The following CEACAM5 variants were observed in gnomAD, a reference collection of about 807,000 sequenced individuals.
The protein encoded by CEACAM5 is CEA cell adhesion molecule 5.
A neutral mutation model predicts 63.0 loss-of-function variants in CEACAM5; 52 were observed. The observed-to-expected ratio is 0.83, with a 90% CI of 0.66 to 1.04. CEACAM5 has a LOEUF of 1.04. Among genes scored for constraint, CEACAM5 ranks in the 50% least tolerant of loss-of-function variants. The pLI is 0.00. For missense variants in CEACAM5, 790 were observed against 864.8 expected (o/e 0.91, Z 1.08); for synonymous variants, 357 against 351.3 (o/e 1.02, Z -0.18).
intron 2 of CEACAM5, among the ~76,000 whole-genome samples, chr19:41,711,952 A>T (rs1414197230): frequency 6.6e-6 from 1 of 152,204 alleles, no homozygotes; most frequent in Non-Finnish European, 1.5e-5. Context: ...GCCAGGCTCC[A>T]TCACAAGCCA....
At chr19:41,718,019 C>T in intron 5 of CEACAM5, 109 bp from the exon 6 acceptor site, 1 of 1,376,520 alleles carries the variant, frequency 7.3e-7, no homozygotes, top group Non-Finnish European at 1.0e-6. Context: ...TTGGTTAGGA[C>T]TTCAGGATTG....
At chr19:41,716,205 G>A (rs1330199260) in intron 4 of CEACAM5, among the ~76,000 whole-genome samples, 1 of 152,232 alleles carries the variant, frequency 6.6e-6, no homozygotes, top group Admixed American at 6.5e-5. Context: ...TCAAGGTCAA[G>A]TTGCTTCTCT....
In CEACAM5 at chr19:41,715,816, T is replaced by C. The variant is rs782717279; in HGVS notation, c.870T>C (p.Thr290=). Residue 290 remains threonine, a synonymous_variant, in exon 4 of 10, where the codon ACT becomes ACC. Transcript: ENST00000221992. ...AAGAGCTCTTTATCCCCAACATCAC[T>C]GTGAATAATAGTGGATCCTATACGT... The part of the protein sequence containing the change: ...STQELFIPNI[T]VNNSGSYTCQ... 1.9e-6 allele frequency: 3 copies of C among 1,614,058 alleles called. No homozygotes were observed.
In CEACAM5 at chr19:41,715,860, A is replaced by C. The variant is rs782686634; in HGVS notation, c.914A>C (p.Asp305Ala). 5.0e-6 allele frequency: 8 copies of C among 1,614,064 alleles called. No individual in the cohort carries two copies. In the African/African-American group the frequency reaches 8.0e-5, roughly 16 times the overall value. The stretch of plus-strand genomic sequence containing the variant: ...TATACGTGCCAAGCCCATAACTCAG[A>C]CACTGGCCTCAATAGGACCACAGTC... ...GSYTCQAHNS[D>A]TGLNRTTVTT... The change falls in exon 4 of 10, where the codon GAC (aspartate) becomes GCC (alanine). Residue 305 changes from aspartate (D) to alanine (A), a missense_variant. Transcript: ENST00000221992.
chr19:41,729,906 T>C lies in CEACAM5; in HGVS notation c.*759T>C, dbSNP rs2072748404. On this transcript the variant is annotated 3_prime_UTR_variant, in exon 10 of 10. Coordinates refer to ENST00000221992, the MANE Select transcript of CEACAM5 (RefSeq NM_004363.6). ...AGTTATTGCACAAGTTCAATAAAAA[T>C]CTGCTCTTTGTATGACAGAATACAT... 6.6e-6 allele frequency: 1 copy of C among 152,220 alleles called. No homozygotes were observed. Among genetic ancestry groups the C allele is most frequent in the South Asian group, 2.1e-4 (1 of 4,832 alleles). The allele number at this position is 152,220 out of a possible 1,614,324, so 9.4% of individuals were successfully genotyped here. A position where few individuals can be genotyped will look rare whatever the true frequency, so the allele number is the denominator to read the frequency against.
intron 9 of CEACAM5, 39 bp from the exon 10 acceptor site, chr19:41,729,145 T>G (rs1433041691): frequency 6.6e-6 from 1 of 152,230 alleles, no homozygotes; most frequent in Non-Finnish European, 1.5e-5. Context: ...TATCATCAGA[T>G]TTTTAACTGT....
chr19:41,715,091 A>G lies in CEACAM5; in HGVS notation c.545A>G (p.Asn182Ser), dbSNP rs1555814661. The G allele has an allele frequency of 6.2e-7, 1 of 1,614,004 alleles. No individual in the cohort carries two copies. The highest frequency in any genetic ancestry group is 2.2e-5 in the East Asian group (1 of 44,892). ...QDATYLWWVNNQSLPVSPRLQ... is the reference protein window; with the variant it reads ...QDATYLWWVNSQSLPVSPRLQ... ...GCAACCTACCTGTGGTGGGTAAACA[A>G]TCAGAGCCTCCCGGTCAGTCCCAGG... Residue 182 changes from asparagine (N) to serine (S), a missense_variant, in exon 3 of 10, where the codon AAT (asparagine) becomes AGT (serine). By Grantham distance (46) the Asn-to-Ser change is conservative. Coordinates refer to ENST00000221992, the MANE Select transcript of CEACAM5 (RefSeq NM_004363.6).
At chr19:41,720,268 G>T (rs1568709018) in intron 7 of CEACAM5, 60 bp downstream of exon 7, 8 of 1,566,148 alleles carry the variant, frequency 5.1e-6, no homozygotes, top group African/African-American at 1.4e-5. Context: ...ACAGCCAGAG[G>T]CCAGGACTCT....
At chr19:41,715,348 C>A in intron 3 of CEACAM5, 99 bp downstream of exon 3, 2 of 1,523,854 alleles carry the variant, frequency 1.3e-6, no homozygotes, top group Admixed American at 1.7e-5. Context: ...GTACACAGAC[C>A]CTCAACCCTG....
chr19:41,724,943 C>CT (rs1201973708), intron 8 of CEACAM5, among the ~76,000 whole-genome samples: 7 of 151,502 alleles, frequency 4.6e-5, no homozygotes, highest in Non-Finnish European at 7.4e-5. Flanking sequence ...ATTTGGATGT[C>CT]TTTTTTTTTC....
At chr19:41,714,052 TA>T (rs201056948) in intron 2 of CEACAM5, among the ~76,000 whole-genome samples, 2,318 of 152,114 alleles carry the variant, frequency 0.015, 41 homozygotes, top group Non-Finnish European at 0.023. Flanking sequence ...CCATCTCTAC[TA>T]AAAATACAAA....
intron 5 of CEACAM5, among the ~76,000 whole-genome samples, 174 bp from the exon 6 acceptor site, chr19:41,717,954 G>A (rs1360375498): frequency 4.6e-5 from 7 of 152,214 alleles, no homozygotes; most frequent in Non-Finnish European, 8.8e-5. Flanking sequence ...CACAGCTAGT[G>A]ATGGGAGAAA....
At chr19:41,711,140 C>T (rs1312252402) in intron 2 of CEACAM5, among the ~76,000 whole-genome samples, 4 of 152,086 alleles carry the variant, frequency 2.6e-5, no homozygotes. Context: ...AGCTCAGAAG[C>T]GGAGATTCTG....
chr19:41,719,681 G>A (rs2072585589), intron 6 of CEACAM5, among the ~76,000 whole-genome samples: 1 of 152,214 alleles, frequency 6.6e-6, no homozygotes, highest in Non-Finnish European at 1.5e-5. Flanking sequence ...TCCTGGGTCT[G>A]TCCACAACCC....
At chr19:41,722,921 T>TTGTG (rs2072645844) in intron 8 of CEACAM5, among the ~76,000 whole-genome samples, 1 of 152,082 alleles carries the variant, frequency 6.6e-6, no homozygotes, top group African/African-American at 2.4e-5. Context: ...GTTTGTTTGT[T>TTGTG]TTTTGAGATG....
chr19:41,722,363 CAAA>C (rs35093497), intron 8 of CEACAM5, among the ~76,000 whole-genome samples: 7 of 87,544 alleles, frequency 8.0e-5, no homozygotes, highest in Admixed American at 2.4e-4. Flanking sequence ...GACTACATCA[CAAA>C]AAAAAAAAAA....
chr19:41,717,832 C>A (rs2072552292), intron 5 of CEACAM5, 99 bp downstream of exon 5: 2 of 1,441,876 alleles, frequency 1.4e-6, no homozygotes, highest in Admixed American at 1.9e-5. Context: ...AGGACAGAGA[C>A]TTTTACCCCT....
At chr19:41,713,886 T>G (rs1231409604) in intron 2 of CEACAM5, among the ~76,000 whole-genome samples, 1 of 152,180 alleles carries the variant, frequency 6.6e-6, no homozygotes, top group African/African-American at 2.4e-5. Context: ...CACAGCATCC[T>G]CGCCTGCCCT....
At position 41,714,295 on chromosome 19, in the gene CEACAM5, T is replaced by C. The variant is rs782051839; in HGVS notation, c.425-676T>C. On this transcript the variant is annotated intron_variant, in intron 2 of 9. Coordinates refer to ENST00000221992, the MANE Select transcript of CEACAM5 (RefSeq NM_004363.6). ...AGCTCCTGCCTGTCACCTGAAGTTC[T>C]AGATCATTCCCTGGACTCCACTCTA... 9.9e-5 allele frequency among the ~76,000 whole-genome samples: 15 copies of C among 152,224 alleles called. 1 individual carries two copies. Among genetic ancestry groups the C allele is most frequent in the Non-Finnish European group, 1.2e-4 (8 of 68,036 alleles).
Sources: allele counts gnomAD v4.1 joint callset (sites outside exome capture counted in the v4.1 genomes callset), GRCh38; gene constraint gnomAD v4.1.1; transcripts MANE v1.5; gene names NCBI Gene and HGNC (gene_info 2026-07-23, HGNC 2026-07-21).